Variants in KCNIP1 observed in about 807,000 individuals in gnomAD.
KCNIP1 encodes A-type potassium channel modulatory protein KCNIP1.
KCNIP1 carries 18 observed loss-of-function variants against 33.0 expected under a neutral mutation model. That is an observed-to-expected ratio of 0.55 (90% CI 0.38 to 0.81). The LOEUF is 0.81. Ranked by LOEUF, KCNIP1 falls within the 30% of genes least tolerant of loss-of-function variation. The pLI, the probability that KCNIP1 is intolerant of heterozygous loss-of-function variation, is 0.00. For missense variants in KCNIP1, 238 were observed against 271.6 expected (o/e 0.88, Z 0.87); for synonymous variants, 93 against 98.3 (o/e 0.95, Z 0.32).
chr5:170,729,684 A>ATTT (rs1043706819), intron 5 of KCNIP1, among the ~76,000 whole-genome samples: 69 of 152,202 alleles, frequency 4.5e-4, no homozygotes, highest in African/African-American at 1.6e-3. Flanking sequence ...AAAACAATGA[A>ATTT]TTATCACTTA....
At chr5:170,639,394 C>A (rs1470705583) in intron 1 of KCNIP1, 3 of 152,198 alleles carry the variant, frequency 2.0e-5, no homozygotes, top group Non-Finnish European at 4.4e-5. Flanking sequence ...TACATTTAAA[C>A]CCTCAATCTG....
At chr5:170,684,695 C>T (rs1027192449) in intron 1 of KCNIP1, among the ~76,000 whole-genome samples, 8 of 152,216 alleles carry the variant, frequency 5.3e-5, no homozygotes, top group Non-Finnish European at 8.8e-5. Context: ...GAGTTTCCCT[C>T]CTTCATCCCT....
intron 1 of KCNIP1, among the ~76,000 whole-genome samples, chr5:170,584,614 G>C (rs539086326): frequency 6.6e-6 from 1 of 152,300 alleles, no homozygotes; most frequent in South Asian, 2.1e-4. Flanking sequence ...TGCACGAGGC[G>C]TGGAGGGGTG....
intron 1 of KCNIP1, among the ~76,000 whole-genome samples, chr5:170,663,627 C>G (rs1761582789): frequency 6.6e-6 from 1 of 152,096 alleles, no homozygotes; most frequent in South Asian, 2.1e-4. Context: ...CTGTCCTGCC[C>G]CAGTGTTCCC....
intron 1 of KCNIP1, among the ~76,000 whole-genome samples, chr5:170,404,895 A>G (rs780406568): frequency 1.3e-5 from 2 of 152,204 alleles, no homozygotes; most frequent in Admixed American, 6.5e-5. Flanking sequence ...AGGATTCATG[A>G]CATTATTTGG....
At chr5:170,721,608 T>A (rs545962478) in intron 3 of KCNIP1, 1 of 778,392 alleles carries the variant, frequency 1.3e-6, no homozygotes, top group Non-Finnish European at 2.1e-6. Context: ...GGTTTTCTCA[T>A]GATGGCTAGA....
At chr5:170,542,999 T>C (rs2113386082) in intron 1 of KCNIP1, among the ~76,000 whole-genome samples, 1 of 152,292 alleles carries the variant, frequency 6.6e-6, no homozygotes, top group South Asian at 2.1e-4. Context: ...TGAGGGCCAG[T>C]TCTTCATAGA....
chr5:170,640,663 GA>G (rs1305359440), intron 1 of KCNIP1, among the ~76,000 whole-genome samples: 3 of 152,198 alleles, frequency 2.0e-5, no homozygotes, highest in African/African-American at 7.2e-5. Flanking sequence ...AGGAGGGGTG[GA>G]CAAGCCATGT....
chr5:170,735,661 A>G (rs1284460755), intron 7 of KCNIP1, 98 bp from the exon 8 acceptor site: 3 of 1,040,250 alleles, frequency 2.9e-6, no homozygotes, highest in Non-Finnish European at 3.0e-6. Context: ...AGTTTTCTCC[A>G]TATAGGAAAC....
chr5:170,639,100 G>A (rs1760423081), intron 1 of KCNIP1: 1 of 152,224 alleles, frequency 6.6e-6, no homozygotes, highest in Non-Finnish European at 1.5e-5. Context: ...ACCCAAGGCT[G>A]TCTGGCCACT....
intron 1 of KCNIP1, among the ~76,000 whole-genome samples, chr5:170,427,337 A>C (rs1295241618): frequency 6.6e-6 from 1 of 152,200 alleles, no homozygotes; most frequent in Non-Finnish European, 1.5e-5. Context: ...ACTCTGGGCC[A>C]GGTTCTGGCA....
At chr5:170,538,006 A>C (rs1756059986) in intron 1 of KCNIP1, among the ~76,000 whole-genome samples, 1 of 152,204 alleles carries the variant, frequency 6.6e-6, no homozygotes, top group South Asian at 2.1e-4. Context: ...AACACTGATG[A>C]GTTCAGCTCA....
intron 1 of KCNIP1, among the ~76,000 whole-genome samples, chr5:170,632,688 C>T (rs1274092707): frequency 6.6e-6 from 1 of 152,248 alleles, no homozygotes; most frequent in Non-Finnish European, 1.5e-5. Flanking sequence ...GGGCCAGCCT[C>T]CTGCTGTGCC....
intron 1 of KCNIP1, chr5:170,389,790 T>C (rs1177033383): frequency 6.6e-6 from 1 of 152,266 alleles, no homozygotes; most frequent in Admixed American, 6.5e-5. Flanking sequence ...GGCACTTACG[T>C]GCTGTGTGAC....
intron 1 of KCNIP1, among the ~76,000 whole-genome samples, chr5:170,433,941 G>C (rs1285383325): frequency 6.6e-6 from 1 of 152,158 alleles, no homozygotes; most frequent in Non-Finnish European, 1.5e-5. Flanking sequence ...TCCATGCAGA[G>C]GGGCCTCCTG....
intron 1 of KCNIP1, among the ~76,000 whole-genome samples, chr5:170,695,917 G>A (rs773970211): frequency 6.6e-6 from 1 of 151,772 alleles, no homozygotes; most frequent in African/African-American, 2.4e-5. Context: ...TACTTGGAAG[G>A]CTGAGGCAGG....
intron 1 of KCNIP1, among the ~76,000 whole-genome samples, chr5:170,404,041 A>G (rs958440090): frequency 1.3e-5 from 2 of 152,126 alleles, no homozygotes; most frequent in Non-Finnish European, 2.9e-5. Context: ...ACTAGAGCAC[A>G]TGGCTTAAGT....
At chr5:170,462,974 G>A (rs1756537812) in intron 1 of KCNIP1, among the ~76,000 whole-genome samples, 2 of 152,152 alleles carry the variant, frequency 1.3e-5, no homozygotes, top group Admixed American at 1.3e-4. Flanking sequence ...CAGGGGGAGA[G>A]GGTGGGGAGT....
At chr5:170,624,732 T>C (rs946217078) in intron 1 of KCNIP1, among the ~76,000 whole-genome samples, 2 of 13,218 alleles carry the variant, frequency 1.5e-4, no homozygotes, top group African/African-American at 6.5e-4. Flanking sequence ...ACCGGGGAGG[T>C]GGGGGGGGAG....
Sources: gnomAD v4.1 joint callset for allele counts (sites outside exome capture counted in the v4.1 genomes callset) on GRCh38, gnomAD v4.1.1 for gene constraint, MANE v1.5 for transcripts, NCBI Gene and HGNC (gene_info 2026-07-23, HGNC 2026-07-21) for gene names.